NDST4: variants seen among roughly 807,000 people sequenced by gnomAD.
NDST4 encodes N-deacetylase and N-sulfotransferase 4.
NDST4 carries 63 observed loss-of-function variants against 100.8 expected under a neutral mutation model. The ratio of observed to expected loss-of-function variants is 0.62; its 90% CI spans 0.51 to 0.77. NDST4 has a LOEUF of 0.77. Among genes scored for constraint, NDST4 ranks in the 30% least tolerant of loss-of-function variants. NDST4 has a pLI of 0.00. For synonymous variants in NDST4, 377 were observed against 361.8 expected (o/e 1.04, Z -0.48); for missense variants, 943 against 1,018.4 (o/e 0.93, Z 1.01).
intron 6 of NDST4, among the ~76,000 whole-genome samples, chr4:114,883,805 G>A (rs1277978048): frequency 6.6e-6 from 1 of 152,084 alleles, no homozygotes; most frequent in Non-Finnish European, 1.5e-5. Context: ...TAGATAATCA[G>A]CAGGCTTTAG....
chr4:115,051,427 T>A (rs975114099), intron 2 of NDST4, among the ~76,000 whole-genome samples: 2 of 152,118 alleles, frequency 1.3e-5, no homozygotes, highest in African/African-American at 2.4e-5. Flanking sequence ...CTTTCTATCC[T>A]TCCTGGCTTC....
chr4:115,042,541 C>A (rs1451213942), intron 2 of NDST4, among the ~76,000 whole-genome samples: 1 of 152,002 alleles, frequency 6.6e-6, no homozygotes, highest in Non-Finnish European at 1.5e-5. Context: ...TATAATTGTT[C>A]TATTTTATTA....
chr4:115,112,131 C>G (rs1729965853), intron 1 of NDST4, among the ~76,000 whole-genome samples: 2 of 150,114 alleles, frequency 1.3e-5, no homozygotes, highest in South Asian at 4.2e-4. Context: ...AGCACAGAAC[C>G]TATGTGACAC....
chr4:114,972,391 A>G (rs1459622864), intron 3 of NDST4, among the ~76,000 whole-genome samples: 1 of 151,960 alleles, frequency 6.6e-6, no homozygotes, highest in Non-Finnish European at 1.5e-5. Context: ...ATGCTACTAC[A>G]CAGAGTTAAG....
At chr4:114,871,099 C>T in intron 6 of NDST4, 149 bp from the exon 7 acceptor site, 1 of 532,928 alleles carries the variant, frequency 1.9e-6, no homozygotes, top group Non-Finnish European at 3.2e-6. Context: ...ATTTAATTTT[C>T]ATCTCAAAAT....
At chr4:114,871,449 C>A (rs150013586) in intron 6 of NDST4, among the ~76,000 whole-genome samples, 5 of 152,092 alleles carry the variant, frequency 3.3e-5, no homozygotes, top group Admixed American at 2.6e-4. Context: ...TAGCCAGAAA[C>A]TTTTCCCCAC....
intron 4 of NDST4, among the ~76,000 whole-genome samples, chr4:114,940,683 C>T (rs1442131073): frequency 2.0e-5 from 3 of 152,174 alleles, no homozygotes; most frequent in Non-Finnish European, 2.9e-5. Context: ...TGCACCCGCC[C>T]TCTTGGTACC....
intron 2 of NDST4, among the ~76,000 whole-genome samples, chr4:115,037,662 C>A (rs548338357): frequency 6.6e-6 from 1 of 152,154 alleles, no homozygotes; most frequent in Non-Finnish European, 1.5e-5. Flanking sequence ...AAATGTTCAG[C>A]AATTTTTTTA....
intron 7 of NDST4, among the ~76,000 whole-genome samples, chr4:114,859,842 A>G (rs1012768756): frequency 1.3e-5 from 2 of 152,192 alleles, no homozygotes; most frequent in Admixed American, 6.5e-5. Context: ...TTTCAGTTTC[A>G]TAGTTTCCCT....
At position 115,053,232 on chromosome 4, in the gene NDST4, G is replaced by A. The variant is rs919998420; in HGVS notation, c.978+22827C>T. Reference sequence around the variant, plus strand: ...AATAAAATTGTGTTGTCTTATTTACGAAGAAATCTAGATAGTAACCAGTGA... The same window carrying A: ...AATAAAATTGTGTTGTCTTATTTACAAAGAAATCTAGATAGTAACCAGTGA... On this transcript the variant is annotated intron_variant, in intron 2 of 13. Coordinates refer to ENST00000264363, the MANE Select transcript of NDST4 (RefSeq NM_022569.3). Among the ~76,000 whole-genome samples the A allele has an allele frequency of 7.9e-5, 12 of 152,196 alleles. No individual in the cohort carries two copies. In the South Asian group the frequency reaches 1.0e-3, roughly 13 times the overall value.
intron 4 of NDST4, among the ~76,000 whole-genome samples, chr4:114,957,421 G>A (rs1056398167): frequency 3.3e-5 from 5 of 152,088 alleles, no homozygotes; most frequent in African/African-American, 4.8e-5. Flanking sequence ...GTATGGGAAA[G>A]ACCCAACCCC....
At chr4:114,954,281 C>T (rs945543894) in intron 4 of NDST4, among the ~76,000 whole-genome samples, 3 of 151,794 alleles carry the variant, frequency 2.0e-5, no homozygotes, top group African/African-American at 7.3e-5. Context: ...TCTAAAATCA[C>T]GATGGATTTA....
chr4:114,946,470 C>T (rs1725865931), intron 4 of NDST4, among the ~76,000 whole-genome samples: 2 of 152,134 alleles, frequency 1.3e-5, no homozygotes, highest in South Asian at 4.1e-4. Flanking sequence ...ATAGATCACT[C>T]AGCCATGGTT....
intron 10 of NDST4, among the ~76,000 whole-genome samples, chr4:114,843,289 C>G (rs1723471717): frequency 6.6e-6 from 1 of 152,148 alleles, no homozygotes; most frequent in Non-Finnish European, 1.5e-5. Context: ...GCAGGGTTGC[C>G]CCTGGTCCCA....
chr4:114,877,086 A>G lies in NDST4; in HGVS notation c.1537-6136T>C, dbSNP rs547810256. Reference sequence around the variant, plus strand: ...TTAACACACACACACACACACACACACGCGTGCACGCGCGCAAGCCTGGGC... The same window carrying G: ...TTAACACACACACACACACACACACGCGCGTGCACGCGCGCAAGCCTGGGC... On this transcript the variant is annotated intron_variant, in intron 6 of 13. Coordinates refer to ENST00000264363, the MANE Select transcript of NDST4 (RefSeq NM_022569.3). Among the ~76,000 whole-genome samples the G allele has an allele frequency of 6.3e-4, 95 of 151,682 alleles. 1 individual carries two copies. The highest frequency in any genetic ancestry group is 1.5e-3 in the Admixed American group (23 of 15,202).
At chr4:115,112,045 T>C (rs1015117124) in intron 1 of NDST4, among the ~76,000 whole-genome samples, 1 of 151,630 alleles carries the variant, frequency 6.6e-6, no homozygotes, top group Non-Finnish European at 1.5e-5. Flanking sequence ...TTGTAGTCAG[T>C]GGACTTTATA....
chr4:114,833,145 CA>C (rs1300992851), intron 12 of NDST4, among the ~76,000 whole-genome samples: 1 of 152,158 alleles, frequency 6.6e-6, no homozygotes, highest in Non-Finnish European at 1.5e-5. Context: ...ATAGCTGGAA[CA>C]GTATACATGA....
At chr4:114,835,669 C>A (rs1033122995) in intron 11 of NDST4, among the ~76,000 whole-genome samples, 2 of 152,096 alleles carry the variant, frequency 1.3e-5, no homozygotes, top group African/African-American at 4.8e-5. Context: ...TCCTGGATAT[C>A]CTTGTTAATT....
intron 9 of NDST4, 104 bp downstream of exon 9, chr4:114,848,111 A>C (rs987611604): frequency 3.1e-5 from 30 of 971,336 alleles, no homozygotes; most frequent in Middle Eastern, 6.3e-4. Flanking sequence ...CACTGTGGTG[A>C]ATTTATCCTG....
Sources: allele counts gnomAD v4.1 joint callset (sites outside exome capture counted in the v4.1 genomes callset), GRCh38; gene constraint gnomAD v4.1.1; transcripts MANE v1.5; gene names NCBI Gene and HGNC (gene_info 2026-07-23, HGNC 2026-07-21).